RFC3: variants seen among roughly 807,000 people sequenced by gnomAD.
RFC3 encodes the protein replication factor C subunit 3, also known as A1 38 kDa subunit.
A neutral mutation model predicts 45.1 loss-of-function variants in RFC3; 41 were observed. The observed-to-expected ratio is 0.91, with a 90% confidence interval of 0.71 to 1.18. The LOEUF is 1.18. RFC3 is among the 50% of genes most tolerant of loss of function. The pLI, the probability that RFC3 is intolerant of heterozygous loss-of-function variation, is 0.00. For missense variants in RFC3, 423 were observed against 428.1 expected (o/e 0.99, Z 0.10); for synonymous variants, 149 against 144.0 (o/e 1.03, Z -0.25).
intron 8 of RFC3, among the ~76,000 whole-genome samples, chr13:33,889,187 T>A (rs1238862999): frequency 1.3e-5 from 2 of 152,354 alleles, no homozygotes; most frequent in African/African-American, 4.8e-5. Context: ...AACACATCAC[T>A]GAACAATGCA....
At chr13:33,899,270 CA>C (rs376074264) in intron 8 of RFC3, among the ~76,000 whole-genome samples, 3 of 120,392 alleles carry the variant, frequency 2.5e-5, no homozygotes, top group African/African-American at 9.2e-5. Context: ...AACATAGAGG[CA>C]AAAAAATTCT....
Position 33,818,166 on chromosome 13 carries a change from A to C in RFC3, c.-13A>C, listed in dbSNP as rs1373574557. The C allele has an allele frequency of 6.2e-7, 1 of 1,609,892 alleles. No individual in the cohort carries two copies. Among genetic ancestry groups the C allele is most frequent in the Middle Eastern group, 1.7e-4 (1 of 6,046 alleles). On this transcript the variant is annotated 5_prime_UTR_variant, in exon 1 of 9. Coordinates refer to ENST00000380071, the MANE Select transcript of RFC3 (RefSeq NM_002915.4). ...GGATTTTCAAGCGTAGGCCCCCGGG[A>C]ACTCGAGCTGCCATGAGCCTCTGGG...
At chr13:33,831,143 A>G (rs1483969671) in intron 6 of RFC3, 113 bp from the exon 7 acceptor site, 4 of 681,048 alleles carry the variant, frequency 5.9e-6, no homozygotes, top group Non-Finnish European at 7.8e-6. Context: ...TCCGCTGCTC[A>G]CTCCTGCTGT....
intron 8 of RFC3, among the ~76,000 whole-genome samples, chr13:33,891,734 C>A (rs982065720): frequency 2.0e-5 from 3 of 152,082 alleles, no homozygotes; most frequent in Non-Finnish European, 4.4e-5. Flanking sequence ...GATGAAAATA[C>A]CAGATGCTCT....
the RFC3 span, among the ~76,000 whole-genome samples, chr13:33,976,484 A>C: frequency 6.6e-6 from 1 of 152,130 alleles, no homozygotes; most frequent in Non-Finnish European, 1.5e-5. Context: ...GATAGAAGAA[A>C]CAAATTCTAG....
At chr13:33,963,373 C>T (rs1434533248) in intron 8 of RFC3, among the ~76,000 whole-genome samples, 2 of 152,162 alleles carry the variant, frequency 1.3e-5, no homozygotes, top group Non-Finnish European at 2.9e-5. Context: ...CTCTTGCCTA[C>T]TTAAGCAAAA....
chr13:33,870,925 TATC>T (rs774484096), intron 8 of RFC3, among the ~76,000 whole-genome samples: 88 of 152,162 alleles, frequency 5.8e-4, no homozygotes, highest in Non-Finnish European at 7.1e-4. Flanking sequence ...AAATTGAGAA[TATC>T]ATCAGGAGGA....
At chr13:33,938,184 C>CAAAAAAAAAAAAAAAAAAAAAAAAA (rs34685731) in intron 8 of RFC3, among the ~76,000 whole-genome samples, 3 of 70,782 alleles carry the variant, frequency 4.2e-5, no homozygotes, top group African/African-American at 1.2e-4. Context: ...AGTCCAACTG[C>CAAAAAAAAAAAAAAAAAAAAAAAAA]AAAAAAAAAA....
At chr13:33,873,656 G>A (rs1036418157) in intron 8 of RFC3, among the ~76,000 whole-genome samples, 15 of 152,100 alleles carry the variant, frequency 9.9e-5, no homozygotes, top group Non-Finnish European at 1.3e-4. Flanking sequence ...TGGGTCCACT[G>A]TTTACTCATG....
At chr13:33,942,563 C>T (rs968432902) in intron 8 of RFC3, among the ~76,000 whole-genome samples, 1 of 152,150 alleles carries the variant, frequency 6.6e-6, no homozygotes, top group East Asian at 1.9e-4. Flanking sequence ...TTCACATACT[C>T]TTCTTAATTG....
chr13:33,942,848 G>T (rs1172029728), intron 8 of RFC3, among the ~76,000 whole-genome samples: 1 of 152,152 alleles, frequency 6.6e-6, no homozygotes, highest in African/African-American at 2.4e-5. Context: ...ATTCCCTGGA[G>T]AAAATCTTGA....
chr13:33,906,618 G>A (rs947841180), intron 8 of RFC3, among the ~76,000 whole-genome samples: 2 of 151,764 alleles, frequency 1.3e-5, no homozygotes, highest in African/African-American at 4.8e-5. Context: ...CTTTTCCTTG[G>A]TTCACTTGTG....
At chr13:33,888,218 G>T (rs1593667866) in intron 8 of RFC3, among the ~76,000 whole-genome samples, 1 of 152,198 alleles carries the variant, frequency 6.6e-6, no homozygotes, top group African/African-American at 2.4e-5. Context: ...TATACAAAGA[G>T]TTTCTTCCAC....
chr13:33,936,584 C>T (rs1466339001), intron 8 of RFC3, among the ~76,000 whole-genome samples: 2 of 152,066 alleles, frequency 1.3e-5, no homozygotes, highest in Admixed American at 1.3e-4. Flanking sequence ...GGGAAAACAG[C>T]ACGTGAGGAT....
At chr13:33,906,622 A>C (rs1189239882) in intron 8 of RFC3, among the ~76,000 whole-genome samples, 1 of 151,862 alleles carries the variant, frequency 6.6e-6, no homozygotes, top group Non-Finnish European at 1.5e-5. Flanking sequence ...TCCTTGGTTC[A>C]CTTGTGATCT....
At chr13:33,864,566 G>C (rs180971324) in intron 8 of RFC3, among the ~76,000 whole-genome samples, 1 of 152,104 alleles carries the variant, frequency 6.6e-6, no homozygotes, top group Admixed American at 6.6e-5. Context: ...GTGGAAACTT[G>C]TGATTATGTT....
At chr13:33,908,073 G>C (rs1366872886) in intron 8 of RFC3, among the ~76,000 whole-genome samples, 1 of 151,564 alleles carries the variant, frequency 6.6e-6, no homozygotes, top group African/African-American at 2.4e-5. Context: ...AGGATATGCT[G>C]AAAGTGAGAA....
At chr13:33,838,724 C>A (rs1024275863), downstream of RFC3, among the ~76,000 whole-genome samples, 1 of 152,078 alleles carries the variant, frequency 6.6e-6, no homozygotes, top group Non-Finnish European at 1.5e-5. Flanking sequence ...ACATCTGGCT[C>A]CACTCAGAGT....
chr13:33,942,907 A>G (rs2082933577), intron 8 of RFC3, among the ~76,000 whole-genome samples: 1 of 152,120 alleles, frequency 6.6e-6, no homozygotes, highest in South Asian at 2.1e-4. Flanking sequence ...ATGACATGAA[A>G]CCTTGACTGC....
Sources: gnomAD v4.1 joint callset for allele counts (sites outside exome capture counted in the v4.1 genomes callset) on GRCh38, gnomAD v4.1.1 for gene constraint, MANE v1.5 for transcripts, NCBI Gene and HGNC (gene_info 2026-07-23, HGNC 2026-07-21) for gene names.